ATF6: variants seen among roughly 807,000 people sequenced by gnomAD.
ATF6 encodes activating transcription factor 6, also known as cyclic AMP-dependent transcription factor ATF-6 alpha.
A neutral mutation model predicts 83.6 loss-of-function variants in ATF6; 53 were observed. The observed-to-expected ratio is 0.63, with a 90% confidence interval of 0.51 to 0.80. The LOEUF (loss-of-function observed/expected upper bound fraction) is 0.80. Among genes scored for constraint, ATF6 ranks in the 30% least tolerant of loss-of-function variants. ATF6 has a pLI of 0.00. For synonymous variants in ATF6, 288 were observed against 285.8 expected (o/e 1.01, Z -0.08); for missense variants, 744 against 797.9 (o/e 0.93, Z 0.81).
intron 9 of ATF6, among the ~76,000 whole-genome samples, chr1:161,835,520 C>T (rs1456968890): frequency 6.6e-6 from 1 of 152,170 alleles, no homozygotes; most frequent in Non-Finnish European, 1.5e-5. Context: ...GTATTTCTTT[C>T]TTCCTATACA....
chr1:161,831,851 G>A (rs925844664), intron 9 of ATF6, among the ~76,000 whole-genome samples: 3 of 151,908 alleles, frequency 2.0e-5, no homozygotes, highest in South Asian at 2.1e-4. Flanking sequence ...TGTAAATGGC[G>A]AGTTAATGGG....
rs1689111594 is a variant in ATF6 at position 161,962,056 on chromosome 1, T to C, written c.*3402T>C. 1.3e-5 allele frequency: 2 copies of C among 152,042 alleles called. No individual in the cohort carries two copies. Among genetic ancestry groups the C allele is most frequent in the South Asian group, 4.2e-4 (2 of 4,816 alleles). The allele number at this position is 152,042 out of a possible 1,614,324, so 9.4% of individuals were successfully genotyped here. ...TGTAGTACAGAAACTTCACATGGAG[T>C]TTTGGGTGGGATTTGTGTTTTCACA... On this transcript the variant is annotated 3_prime_UTR_variant, in exon 16 of 16. Coordinates refer to ENST00000367942, the MANE Select transcript of ATF6 (RefSeq NM_007348.4).
At chr1:161,877,191 TGTACTGAG>T (rs1440940056) in intron 14 of ATF6, among the ~76,000 whole-genome samples, 1 of 152,116 alleles carries the variant, frequency 6.6e-6, no homozygotes, top group African/African-American at 2.4e-5. Context: ...TCAGGAAGTA[TGTACTGAG>T]TATTCTGAGG....
chr1:161,890,431 G>A (rs535742306), intron 14 of ATF6, among the ~76,000 whole-genome samples: 1 of 152,190 alleles, frequency 6.6e-6, no homozygotes, highest in Non-Finnish European at 1.5e-5. Context: ...CATTTGGTGA[G>A]GTTCTTTTCA....
intron 10 of ATF6, among the ~76,000 whole-genome samples, chr1:161,849,727 A>T (rs1382198102): frequency 6.6e-6 from 1 of 151,984 alleles, no homozygotes; most frequent in Non-Finnish European, 1.5e-5. Flanking sequence ...CACAGTTCAT[A>T]TCTATATGTC....
chr1:161,767,146 C>T (rs983910127), intron 1 of ATF6, among the ~76,000 whole-genome samples: 1 of 152,078 alleles, frequency 6.6e-6, no homozygotes, highest in African/African-American at 2.4e-5. Context: ...TTATTCTCCT[C>T]TTGATTGCAA....
At chr1:161,882,655 G>A (rs1458145188) in intron 14 of ATF6, among the ~76,000 whole-genome samples, 13 of 151,196 alleles carry the variant, frequency 8.6e-5, no homozygotes, top group Admixed American at 4.6e-4. Flanking sequence ...TTAGCTGTGA[G>A]TCATTACTTT....
Position 161,791,114 on chromosome 1 carries a change from G to C in ATF6, c.355-294G>C, listed in dbSNP as rs12042571. On this transcript the variant is annotated intron_variant, in intron 4 of 15. Coordinates refer to ENST00000367942, the MANE Select transcript of ATF6 (RefSeq NM_007348.4). ...TGTGTGTGTGTGTGTCTCTGTGTGT[G>C]TGTGTGTGTGTGTGTGTGTAGTTTG... 7.3e-5 allele frequency among the ~76,000 whole-genome samples: 10 copies of C among 137,056 alleles called. No homozygotes were observed. The East Asian group carries it at 1.7e-3, about 23-fold the overall frequency. 89.9% of individuals were successfully genotyped at this position (137,056 alleles called of 152,430 possible).
intron 14 of ATF6, among the ~76,000 whole-genome samples, chr1:161,877,074 C>T (rs759847873): frequency 1.3e-5 from 2 of 151,944 alleles, no homozygotes; most frequent in East Asian, 1.9e-4. Context: ...TATAACTAAG[C>T]TCCATAATAA....
In ATF6 at chr1:161,801,259, G is replaced by A. The variant is rs112335631; in HGVS notation, c.689-793G>A. Among the ~76,000 whole-genome samples, 1,508 of 151,900 alleles carry A rather than the reference G, an allele frequency of 9.9e-3. 8 individuals carry two copies. Among genetic ancestry groups the A allele is most frequent in the South Asian group, 0.017 (84 of 4,812 alleles). On this transcript the variant is annotated intron_variant, in intron 6 of 15. Coordinates refer to ENST00000367942, the MANE Select transcript of ATF6 (RefSeq NM_007348.4). ...TTTTGGGGGAAGAGGGAAAGGGCTG[G>A]TATCATCTACAGACTATTTTGAATC...
intron 7 of ATF6, among the ~76,000 whole-genome samples, chr1:161,806,677 A>G (rs1000556723): frequency 1.3e-5 from 2 of 152,094 alleles, no homozygotes; most frequent in Admixed American, 6.5e-5. Context: ...TCTAAATCCT[A>G]TAGTTAGGAA....
intron 9 of ATF6, among the ~76,000 whole-genome samples, chr1:161,844,844 C>T (rs1686444362): frequency 6.6e-6 from 1 of 152,148 alleles, no homozygotes; most frequent in Admixed American, 6.6e-5. Context: ...CTTAAATACT[C>T]ATCAGGGTGA....
At chr1:161,915,442 A>G (rs925998047) in intron 15 of ATF6, among the ~76,000 whole-genome samples, 2 of 152,202 alleles carry the variant, frequency 1.3e-5, no homozygotes, top group African/African-American at 4.8e-5. Flanking sequence ...TTTTACTGCA[A>G]TAATCATCAT....
chr1:161,912,303 T>A lies in ATF6; in HGVS notation c.1727T>A (p.Leu576Gln). 1 of 1,604,134 alleles carries A rather than the reference T, an allele frequency of 6.2e-7. No homozygotes were observed. The highest frequency in any genetic ancestry group is 8.5e-7 in the Non-Finnish European group (1 of 1,175,596). ...FYVVSFRRDH[L>Q]LLPATTHNKT... ...GTTCTTTGTTAATTTTAGGATCACC[T>A]GCTGTTACCAGCTACCACCCATAAC... Residue 576 changes from leucine to glutamine, a missense_variant, in exon 15 of 16, where the codon CTG becomes CAG. Leu to Gln is a moderately radical substitution (Grantham distance 113, BLOSUM62 -2). Transcript: ENST00000367942.
rs1686472052 is a variant in ATF6 at position 161,845,836 on chromosome 1, GT to G, written c.1188-609del. ...TTTGCTTATATGTATATATTTTGTT[GT>G]TTTCTCCAAATGCTTATGCCTCTGA... On this transcript the variant is annotated intron_variant, in intron 9 of 15. Transcript: ENST00000367942. 2.0e-5 allele frequency among the ~76,000 whole-genome samples: 3 copies of G among 150,726 alleles called. No individual in the cohort carries two copies. The South Asian group carries it at 6.3e-4, about 32-fold the overall frequency.
intron 1 of ATF6, among the ~76,000 whole-genome samples, chr1:161,770,103 G>A (rs1684351393): frequency 6.6e-6 from 1 of 152,006 alleles, no homozygotes; most frequent in African/African-American, 2.4e-5. Flanking sequence ...CTCTGGTCAG[G>A]TAACCACTGA....
intron 1 of ATF6, among the ~76,000 whole-genome samples, chr1:161,768,767 G>T (rs1006337107): frequency 6.6e-6 from 1 of 152,078 alleles, no homozygotes; most frequent in Non-Finnish European, 1.5e-5. Flanking sequence ...AGAGACAGGG[G>T]TCTTGCTGTG....
At chr1:161,863,105 C>G (rs1038744997) in intron 13 of ATF6, 93 bp from the exon 14 acceptor site, 6 of 663,896 alleles carry the variant, frequency 9.0e-6, no homozygotes, top group Non-Finnish European at 1.5e-5. Flanking sequence ...GAGAGAGATT[C>G]TTAGAATTCA....
chr1:161,844,402 G>T (rs1456695684), intron 9 of ATF6, among the ~76,000 whole-genome samples: 1 of 152,158 alleles, frequency 6.6e-6, no homozygotes, highest in East Asian at 1.9e-4. Context: ...GATAGCCACA[G>T]AATCCAGAAC....
Sources: allele counts gnomAD v4.1 joint callset (sites outside exome capture counted in the v4.1 genomes callset), GRCh38; gene constraint gnomAD v4.1.1; transcripts MANE v1.5; gene names NCBI Gene and HGNC (gene_info 2026-07-23, HGNC 2026-07-21).